PCDHGC3: variants seen among roughly 807,000 people sequenced by gnomAD.
PCDHGC3 encodes protocadherin gamma-C3.
A neutral mutation model predicts 59.2 loss-of-function variants in PCDHGC3; 26 were observed. That is an observed-to-expected ratio of 0.44 (90% confidence interval 0.32 to 0.61). The LOEUF is 0.61. Ranked by LOEUF, PCDHGC3 falls within the 20% of genes least tolerant of loss-of-function variation. The pLI, the probability that PCDHGC3 is intolerant of heterozygous loss-of-function variation, is 0.05. For synonymous variants in PCDHGC3, 487 were observed against 519.7 expected (o/e 0.94, Z 0.86); for missense variants, 1,080 against 1,221.8 (o/e 0.88, Z 1.73).
intron 1 of PCDHGC3, chr5:141,478,885 A>G (rs2099483148): frequency 8.4e-7 from 1 of 1,193,320 alleles, no homozygotes; most frequent in East Asian, 2.6e-5. Flanking sequence ...GCTTGGTATC[A>G]TTTACATTAG....
In PCDHGC3 at chr5:141,485,049, G is replaced by C. The variant is rs1271101804; in HGVS notation, c.2430+6503G>C. On this transcript the variant is annotated intron_variant, in intron 1 of 3. Coordinates refer to ENST00000308177, the MANE Select transcript of PCDHGC3 (RefSeq NM_002588.4). The surrounding 1 kb of genome is among the most constrained non-coding windows in gnomAD (Gnocchi z 5.7). ...AACGGCGCGTAACCCTTGCGGCGCC[G>C]GCCGAACCGCGCCAGAGCTGGCGCG... 1 of 780,438 alleles carries C rather than the reference G, an allele frequency of 1.3e-6. No homozygotes were observed. The highest frequency in any genetic ancestry group is 2.1e-6 in the Non-Finnish European group (1 of 469,234). The allele number at this position is 780,438 out of a possible 1,614,324, so 48.3% of individuals were successfully genotyped here. A position where few individuals can be genotyped will look rare whatever the true frequency, so the allele number is the denominator to read the frequency against.
At position 141,487,763 on chromosome 5, in the gene PCDHGC3, G is replaced by A; in HGVS notation, c.2431-7044G>A. ...AAGAGGTAACTATGTGGTAGACGCT[G>A]TGCTTTGTAACTGTTTCGTGAATTA... On this transcript the variant is annotated intron_variant, in intron 1 of 3. Coordinates refer to ENST00000308177, the MANE Select transcript of PCDHGC3 (RefSeq NM_002588.4). This position sits in a 1 kb window ranked among gnomAD's most constrained non-coding sequence, Gnocchi z 5.0. 6.5e-7 allele frequency: 1 copy of A among 1,544,968 alleles called. No homozygotes were observed. The highest frequency in any genetic ancestry group is 1.2e-5 in the South Asian group (1 of 83,382).
At chr5:141,508,642 T>A (rs893357826) in intron 3 of PCDHGC3, among the ~76,000 whole-genome samples, 13 of 152,070 alleles carry the variant, frequency 8.5e-5, no homozygotes, top group Admixed American at 2.6e-4. Flanking sequence ...AGCTACTCCG[T>A]CAGGCCCTTC....
In PCDHGC3 at chr5:141,487,259, T is replaced by A. The variant is rs2099641960; in HGVS notation, c.2431-7548T>A. 1.9e-6 allele frequency: 3 copies of A among 1,614,014 alleles called. No individual in the cohort carries two copies. The highest frequency in any genetic ancestry group is 1.3e-5 in the African/African-American group (1 of 74,926). ...TCGTCTAACCCTCTACTTGGCTGTGTCCCTAGTGGCAATTTGCTTTGTCTC... is the reference window on the plus strand; with the variant it reads ...TCGTCTAACCCTCTACTTGGCTGTGACCCTAGTGGCAATTTGCTTTGTCTC... On this transcript the variant is annotated intron_variant, in intron 1 of 3. Coordinates refer to ENST00000308177, the MANE Select transcript of PCDHGC3 (RefSeq NM_002588.4). The surrounding 1 kb of genome is among the most constrained non-coding windows in gnomAD (Gnocchi z 5.0).
rs750564390 is a variant in PCDHGC3, at chr5:141,494,823, C to T, written c.2447C>T (p.Thr816Met). Residue 816 changes from threonine to methionine, a missense_variant, in exon 2 of 4, where the codon ACG becomes ATG. Physicochemically the swap from Thr to Met is moderately conservative, Grantham distance 81. Coordinates refer to ENST00000308177, the MANE Select transcript of PCDHGC3 (RefSeq NM_002588.4). Reference sequence around the variant, plus strand: ...TCTCCACAGCAAGCCCCGCCCAACACGGACTGGCGTTTCTCTCAGGCCCAG... The same window carrying T: ...TCTCCACAGCAAGCCCCGCCCAACATGGACTGGCGTTTCTCTCAGGCCCAG... ...APPGQQAPPN[T>M]DWRFSQAQRP... 7 of 1,614,014 alleles carry T rather than the reference C, an allele frequency of 4.3e-6. No individual in the cohort carries two copies. The East Asian group carries it at 8.9e-5, about 21-fold the overall frequency.
At chr5:141,506,487 G>A (rs1265051912) in intron 3 of PCDHGC3, among the ~76,000 whole-genome samples, 3 of 150,464 alleles carry the variant, frequency 2.0e-5, no homozygotes, top group Non-Finnish European at 4.4e-5. Flanking sequence ...TTAGAGGCAG[G>A]CCAATCTGGA....
Position 141,476,461 on chromosome 5 carries a change from G to T in PCDHGC3, c.345G>T (p.Pro115=). Residue 115 remains proline, a synonymous_variant, in exon 1 of 4, where the codon CCG becomes CCT. Transcript: ENST00000308177. This position sits in a 1 kb window ranked among gnomAD's most constrained non-coding sequence, Gnocchi z 7.6. The stretch of plus-strand genomic sequence containing the variant: ...CTCTGGAGTTGGTAGTGGAGAACCC[G>T]CTGGAGCTGTTCAGCGTGGAAGTGG... ...TVTLELVVEN[P]LELFSVEVVI... is the part of the protein sequence containing the mutation. The T allele has an allele frequency of 6.2e-7, 1 of 1,614,122 alleles. No homozygotes were observed. Among genetic ancestry groups the T allele is most frequent in the Non-Finnish European group, 8.5e-7 (1 of 1,180,022 alleles).
chr5:141,482,593 G>A (rs1314658005), intron 1 of PCDHGC3, among the ~76,000 whole-genome samples: 4 of 149,900 alleles, frequency 2.7e-5, no homozygotes, highest in Non-Finnish European at 5.9e-5. Flanking sequence ...GGGACCAAAC[G>A]GGAAAAAACA....
chr5:141,509,233 AG>A (rs1204393769), intron 3 of PCDHGC3, among the ~76,000 whole-genome samples: 1 of 152,104 alleles, frequency 6.6e-6, no homozygotes, highest in Non-Finnish European at 1.5e-5. Context: ...TTGATGTCCC[AG>A]GATTACTCAG....
intron 1 of PCDHGC3, among the ~76,000 whole-genome samples, chr5:141,483,652 G>A (rs746306843): frequency 2.0e-5 from 3 of 151,916 alleles, no homozygotes; most frequent in Non-Finnish European, 4.4e-5. Context: ...GTGTGTTTGT[G>A]TGTGTGTGTG....
intron 2 of PCDHGC3, among the ~76,000 whole-genome samples, chr5:141,496,078 CCCCACCCACCA>C (rs1204698458): frequency 6.6e-6 from 1 of 152,016 alleles, no homozygotes; most frequent in Non-Finnish European, 1.5e-5. Context: ...ACACACAACC[CCCCACCCACCA>C]CCCACCAACA....
chr5:141,499,599 C>G (rs2099792919), intron 2 of PCDHGC3, among the ~76,000 whole-genome samples: 2 of 152,102 alleles, frequency 1.3e-5, no homozygotes, highest in South Asian at 4.1e-4. Context: ...TCACCTATAT[C>G]CCTACCCTTA....
rs370299433 is a variant in PCDHGC3 at position 141,476,360 on chromosome 5, G to A, written c.244G>A (p.Glu82Lys). 5.3e-5 allele frequency: 86 copies of A among 1,614,186 alleles called. No homozygotes were observed. The highest frequency in any genetic ancestry group is 6.7e-5 in the Non-Finnish European group (79 of 1,180,042). ...ASRRFFEVNR[E>K]TGEMFVNDRL... ...CCGAAGATTCTTTGAGGTGAACCGG[G>A]AGACCGGAGAGATGTTTGTGAACGA... The change falls in exon 1 of 4, where the codon GAG becomes AAG. Residue 82 changes from glutamate to lysine, a missense_variant. Physicochemically the swap from Glu to Lys is moderately conservative, Grantham distance 56 (BLOSUM62 1). Transcript: ENST00000308177. This position sits in a 1 kb window ranked among gnomAD's most constrained non-coding sequence, Gnocchi z 7.6.
At chr5:141,478,603 A>C (rs116528962) in intron 1 of PCDHGC3, 57 bp downstream of exon 1, 173 of 1,563,096 alleles carry the variant, frequency 1.1e-4, no homozygotes, top group Non-Finnish European at 1.4e-4. Context: ...CCTACATCAT[A>C]TTGAGGAAGG....
Position 141,491,306 on chromosome 5 carries a change from A to G in PCDHGC3, c.2431-3501A>G. ...CTCATACACCCTCCTGAGCGTTCAGACCTTACCCTTTACCTCATTGTGGCT... is the reference window on the plus strand; with the variant it reads ...CTCATACACCCTCCTGAGCGTTCAGGCCTTACCCTTTACCTCATTGTGGCT... On this transcript the variant is annotated intron_variant, in intron 1 of 3. Coordinates refer to ENST00000308177, the MANE Select transcript of PCDHGC3 (RefSeq NM_002588.4). This position sits in a 1 kb window ranked among gnomAD's most constrained non-coding sequence, Gnocchi z 6.9. 1 of 1,614,032 alleles carries G rather than the reference A, an allele frequency of 6.2e-7. No individual in the cohort carries two copies. The highest frequency in any genetic ancestry group is 2.2e-5 in the East Asian group (1 of 44,872).
At chr5:141,488,834 G>A (rs976460724) in intron 1 of PCDHGC3, among the ~76,000 whole-genome samples, 1 of 152,160 alleles carries the variant, frequency 6.6e-6, no homozygotes, top group Admixed American at 6.5e-5. Context: ...GCTGCCAAGG[G>A]GGCTGAATCA....
intron 1 of PCDHGC3, among the ~76,000 whole-genome samples, chr5:141,482,765 T>C (rs2099572013): frequency 7.9e-6 from 1 of 127,068 alleles, no homozygotes; most frequent in African/African-American, 3.6e-5. Flanking sequence ...TATTTCATTA[T>C]CACTGAACCT....
chr5:141,510,916 G>C (rs1044988697), intron 3 of PCDHGC3, 31 bp from the exon 4 acceptor site: 2 of 1,613,714 alleles, frequency 1.2e-6, no homozygotes, highest in African/African-American at 1.3e-5. Flanking sequence ...CCTAAGTTTA[G>C]CTCCCACCTG....
At chr5:141,501,883 G>A (rs1204174131) in intron 2 of PCDHGC3, among the ~76,000 whole-genome samples, 1 of 152,022 alleles carries the variant, frequency 6.6e-6, no homozygotes, top group African/African-American at 2.4e-5. Flanking sequence ...TTACACTCCT[G>A]ATCATCATGG....
Sources: gnomAD v4.1 joint callset for allele counts (sites outside exome capture counted in the v4.1 genomes callset) on GRCh38, gnomAD v4.1.1 for gene constraint, Gnocchi (gnomAD v3.1) non-coding constraint, MANE v1.5 for transcripts, NCBI Gene and HGNC (gene_info 2026-07-23, HGNC 2026-07-21) for gene names.